PCLO: variants seen among roughly 807,000 people sequenced by gnomAD.
The protein encoded by PCLO is protein piccolo.
In PCLO, 82 loss-of-function variants were observed where a neutral mutation model predicts 427.5. The observed-to-expected ratio is 0.19, with a 90% CI of 0.16 to 0.23. The LOEUF is 0.23. Ranked by LOEUF, PCLO falls within the 10% of genes least tolerant of loss-of-function variation. The pLI, the probability that PCLO is intolerant of heterozygous loss-of-function variation, is 1.00. For synonymous variants in PCLO, 2,357 were observed against 2,155.4 expected (o/e 1.09, Z -2.59); for missense variants, 6,239 against 6,115.9 (o/e 1.02, Z -0.67).
intron 22 of PCLO, among the ~76,000 whole-genome samples, chr7:82,778,839 C>T (rs1232576032): frequency 2.0e-5 from 3 of 151,760 alleles, no homozygotes; most frequent in African/African-American, 7.3e-5. Flanking sequence ...CTAGATTATA[C>T]CTGTGCTGTA....
In PCLO at chr7:83,093,472, G is replaced by GTGTGTGTGTGTATATA. The variant is rs745824155; in HGVS notation, c.3300+40777_3300+40778insTATATACACACACACA. On this transcript the variant is annotated intron_variant, in intron 3 of 24. Coordinates refer to ENST00000333891, the MANE Select transcript of PCLO (RefSeq NM_033026.6). ...ACCACAAACATATATATGTGTGTGT[G>GTGTGTGTGTGTATATA]TATAGATATATATATATATATTTTT... 1.8e-3 allele frequency among the ~76,000 whole-genome samples: 181 copies of GTGTGTGTGTGTATATA among 99,084 alleles called. 2 individuals carry two copies. Among genetic ancestry groups the GTGTGTGTGTGTATATA allele is most frequent in the Middle Eastern group, 5.3e-3 (1 of 190 alleles). The allele number at this position is 99,084 out of a possible 152,430, so 65.0% of individuals were successfully genotyped here.
rs778155737 is a variant in PCLO at position 82,915,729 on chromosome 7, C to T, written c.12257G>A (p.Arg4086His). ...TDRLLRTTETRRSQEVTDFLA... is the reference protein window; with the variant it reads ...TDRLLRTTETHRSQEVTDFLA... Reference sequence around the variant, plus strand: ...GAAATCTGTCACTTCTTGAGACCGGCGTGTCTCAGTGGTTCGAAGGAGACG... The same window carrying T: ...GAAATCTGTCACTTCTTGAGACCGGTGTGTCTCAGTGGTTCGAAGGAGACG... Residue 4086 changes from arginine (R) to histidine (H), a missense_variant, in exon 7 of 25, where the codon CGC (arginine) becomes CAC (histidine). By Grantham distance (29) the Arg-to-His change is conservative. Around this residue, in one of 5 missense-constraint regions of PCLO, gnomAD observed 680 missense variants for 677.3 expected, o/e 1.00. Coordinates refer to ENST00000333891, the MANE Select transcript of PCLO (RefSeq NM_033026.6). The T allele has an allele frequency of 7.4e-6, 12 of 1,612,150 alleles. No individual in the cohort carries two copies. The Admixed American group carries it at 8.4e-5, about 11-fold the overall frequency.
intron 3 of PCLO, among the ~76,000 whole-genome samples, chr7:83,029,351 C>G (rs1368011654): frequency 2.6e-5 from 4 of 151,304 alleles, no homozygotes; most frequent in African/African-American, 9.7e-5. Flanking sequence ...CAAAAAAACA[C>G]ATGAAAAAAT....
chr7:83,064,470 T>C (rs2116326854), intron 3 of PCLO, among the ~76,000 whole-genome samples: 1 of 152,128 alleles, frequency 6.6e-6, no homozygotes. Context: ...GGTGTGAGTA[T>C]CAGCTCATAA....
In PCLO at chr7:82,906,198, T is replaced by C. The variant is rs541562958; in HGVS notation, c.13437+2679A>G. ...ATTTTCAGAAATATTCTTCTATGCCTCTAATGTTTGTCTTATGTAAACTAG... is the reference window on the plus strand; with the variant it reads ...ATTTTCAGAAATATTCTTCTATGCCCCTAATGTTTGTCTTATGTAAACTAG... On this transcript the variant is annotated intron_variant, in intron 8 of 24. Coordinates refer to ENST00000333891, the MANE Select transcript of PCLO (RefSeq NM_033026.6). Among the ~76,000 whole-genome samples the C allele has an allele frequency of 6.6e-5, 10 of 152,186 alleles. No homozygotes were observed. In the South Asian group the frequency reaches 8.3e-4, roughly 13 times the overall value.
intron 3 of PCLO, among the ~76,000 whole-genome samples, chr7:83,073,571 T>C (rs1457932523): frequency 6.6e-6 from 1 of 151,966 alleles, no homozygotes; most frequent in Non-Finnish European, 1.5e-5. Flanking sequence ...AGAAAGAACA[T>C]TTGTAATGCA....
chr7:83,065,169 T>C (rs1468801501), intron 3 of PCLO, among the ~76,000 whole-genome samples: 4 of 151,972 alleles, frequency 2.6e-5, no homozygotes, highest in South Asian at 4.1e-4. Context: ...TTGATGGCTC[T>C]CTCCTTCCAT....
At chr7:83,125,701 G>A (rs1791420851) in intron 3 of PCLO, among the ~76,000 whole-genome samples, 1 of 152,096 alleles carries the variant, frequency 6.6e-6, no homozygotes, top group Non-Finnish European at 1.5e-5. Context: ...CTCCTTAAGA[G>A]TCATCGCCAC....
At chr7:83,056,738 A>C (rs1789387802) in intron 3 of PCLO, among the ~76,000 whole-genome samples, 1 of 152,186 alleles carries the variant, frequency 6.6e-6, no homozygotes, top group Non-Finnish European at 1.5e-5. Flanking sequence ...TTAGTCCAGG[A>C]GCTTCATTTT....
intron 10 of PCLO, among the ~76,000 whole-genome samples, chr7:82,858,096 C>T (rs1006605417): frequency 6.6e-6 from 1 of 152,030 alleles, no homozygotes; most frequent in African/African-American, 2.4e-5. Context: ...CTGAATTCAA[C>T]AGCGCATTAA....
At chr7:83,145,342 T>G (rs1203526402) in intron 2 of PCLO, among the ~76,000 whole-genome samples, 1 of 152,156 alleles carries the variant, frequency 6.6e-6, no homozygotes, top group Non-Finnish European at 1.5e-5. Context: ...TTTTTTAAAC[T>G]AAGTATTCTG....
chr7:83,016,232 G>T (rs1788203127), intron 3 of PCLO, among the ~76,000 whole-genome samples: 1 of 151,946 alleles, frequency 6.6e-6, no homozygotes, highest in African/African-American at 2.4e-5. Context: ...AAATAAAATT[G>T]AATAATGCAC....
intron 9 of PCLO, among the ~76,000 whole-genome samples, chr7:82,887,728 G>A (rs1262307855): frequency 2.0e-5 from 3 of 152,118 alleles, no homozygotes; most frequent in Non-Finnish European, 4.4e-5. Flanking sequence ...GGAAGAAATC[G>A]TGATTTCAGA....
intron 22 of PCLO, among the ~76,000 whole-genome samples, chr7:82,767,161 C>T (rs1790547998): frequency 6.6e-6 from 1 of 152,110 alleles, no homozygotes; most frequent in African/African-American, 2.4e-5. Flanking sequence ...AACCATCACA[C>T]ACACAGAGGA....
chr7:83,052,262 G>C (rs888238714), intron 3 of PCLO, among the ~76,000 whole-genome samples: 1 of 151,060 alleles, frequency 6.6e-6, no homozygotes, highest in Admixed American at 6.6e-5. Flanking sequence ...GAGTGAGATA[G>C]GAGATAAGAA....
chr7:82,915,581 C>T lies in PCLO; in HGVS notation c.12405G>A (p.Gly4135=), dbSNP rs369261620. The T allele has an allele frequency of 3.1e-6, 5 of 1,613,350 alleles. No individual in the cohort carries two copies. Among genetic ancestry groups the T allele is most frequent in the Admixed American group, 3.3e-5 (2 of 59,934 alleles). The change falls in exon 7 of 25, where the codon GGG becomes GGA. Residue 4135 remains glycine, a synonymous_variant. Coordinates refer to ENST00000333891, the MANE Select transcript of PCLO (RefSeq NM_033026.6). ...KHQIKQEFRR[G]TESLDHLAGL... ...CAGCAAGGTGATCTAAGCTCTCTGT[C>T]CCTCTACGAAATTCCTGTTTAATCT... is the stretch of plus-strand genomic sequence containing the variant.
At chr7:82,978,850 ACACACAAACAC>A (rs1796082434) in intron 3 of PCLO, among the ~76,000 whole-genome samples, 1 of 93,274 alleles carries the variant, frequency 1.1e-5, no homozygotes, top group African/African-American at 4.6e-5. Context: ...ACACACACAC[ACACACAAACAC>A]ACACACACAC....
At chr7:83,076,246 TC>T (rs1789948635) in intron 3 of PCLO, among the ~76,000 whole-genome samples, 1 of 152,084 alleles carries the variant, frequency 6.6e-6, no homozygotes, top group African/African-American at 2.4e-5. Context: ...AAAGAATCTT[TC>T]AAAGGGTAAA....
At chr7:82,893,696 C>T (rs1482449509) in intron 9 of PCLO, among the ~76,000 whole-genome samples, 2 of 151,998 alleles carry the variant, frequency 1.3e-5, no homozygotes, top group Non-Finnish European at 2.9e-5. Flanking sequence ...TCACAATCCT[C>T]CTCAGAAACT....
Sources: gnomAD v4.1 joint callset for allele counts (sites outside exome capture counted in the v4.1 genomes callset) on GRCh38, gnomAD v4.1.1 for gene constraint, gnomAD v4.1.1 regional missense constraint, MANE v1.5 for transcripts, NCBI Gene and HGNC (gene_info 2026-07-23, HGNC 2026-07-21) for gene names.